EPHA5: variants seen among roughly 807,000 people sequenced by gnomAD.
The protein encoded by EPHA5 is EPH receptor A5, also known as ephrin type-A receptor 5.
In EPHA5, 60 loss-of-function variants were observed where a neutral mutation model predicts 105.0. That is an observed-to-expected ratio of 0.57 (90% CI 0.46 to 0.71). The LOEUF (loss-of-function observed/expected upper bound fraction) is 0.71. EPHA5 is among the 30% of genes least tolerant of loss of function. EPHA5 has a pLI of 0.00. For synonymous variants in EPHA5, 513 were observed against 449.1 expected (o/e 1.14, Z -1.80); for missense variants, 1,218 against 1,274.7 (o/e 0.96, Z 0.68).
At chr4:65,335,092 T>G (rs1721043080) in intron 15 of EPHA5, among the ~76,000 whole-genome samples, 1 of 152,012 alleles carries the variant, frequency 6.6e-6, no homozygotes, top group South Asian at 2.1e-4. Flanking sequence ...TTTCATAACT[T>G]TATTAACAAA....
intron 3 of EPHA5, among the ~76,000 whole-genome samples, chr4:65,517,341 C>T (rs1251087681): frequency 1.3e-5 from 2 of 151,668 alleles, no homozygotes; most frequent in East Asian, 3.9e-4. Context: ...TTTATGTTTT[C>T]AACCCATCTG....
At chr4:65,563,516 G>T (rs1739232764) in intron 3 of EPHA5, among the ~76,000 whole-genome samples, 1 of 152,028 alleles carries the variant, frequency 6.6e-6, no homozygotes, top group South Asian at 2.1e-4. Context: ...ATTTTAGGAA[G>T]TAGAGTGGAG....
intron 8 of EPHA5, among the ~76,000 whole-genome samples, chr4:65,392,517 A>G (rs1023771431): frequency 3.3e-5 from 5 of 152,136 alleles, no homozygotes; most frequent in Admixed American, 1.3e-4. Flanking sequence ...GATGCCAAAT[A>G]TATCAATTTA....
chr4:65,657,764 C>T (rs1013905194), intron 1 of EPHA5, among the ~76,000 whole-genome samples: 7 of 151,980 alleles, frequency 4.6e-5, no homozygotes, highest in Admixed American at 3.9e-4. Flanking sequence ...TAATAATATT[C>T]GTTCACTAAA....
chr4:65,615,169 TATATC>T (rs1193674582), intron 2 of EPHA5, among the ~76,000 whole-genome samples: 1 of 151,550 alleles, frequency 6.6e-6, no homozygotes, highest in Non-Finnish European at 1.5e-5. Context: ...AAAAATAAAA[TATATC>T]ATATTAACAT....
At chr4:65,616,428 T>TACACACACAC (rs34942929) in intron 2 of EPHA5, among the ~76,000 whole-genome samples, 1 of 143,554 alleles carries the variant, frequency 7.0e-6, no homozygotes, top group African/African-American at 2.6e-5. Flanking sequence ...ACTTAATGCA[T>TACACACACAC]ACACACACAC....
chr4:65,509,365 A>G (rs1177692069), intron 3 of EPHA5, among the ~76,000 whole-genome samples: 1 of 152,164 alleles, frequency 6.6e-6, no homozygotes, highest in African/African-American at 2.4e-5. Flanking sequence ...TACTACAGAA[A>G]TATTCAATCC....
chr4:65,405,809 A>G (rs1722300403), intron 7 of EPHA5, among the ~76,000 whole-genome samples: 1 of 151,958 alleles, frequency 6.6e-6, no homozygotes, highest in African/African-American at 2.4e-5. Flanking sequence ...GGAAAAAACT[A>G]CCCCCAGAGT....
chr4:65,625,734 A>G (rs1476408643), intron 2 of EPHA5, among the ~76,000 whole-genome samples: 1 of 152,232 alleles, frequency 6.6e-6, no homozygotes, highest in Non-Finnish European at 1.5e-5. Context: ...AATAAATAAA[A>G]TAAATTTTGG....
At chr4:65,347,444 G>T (rs1722330152) in intron 14 of EPHA5, among the ~76,000 whole-genome samples, 3 of 152,118 alleles carry the variant, frequency 2.0e-5, no homozygotes, top group Admixed American at 6.6e-5. Context: ...CATGTGTCAG[G>T]CATCACATAA....
chr4:65,323,982 G>A lies in EPHA5; in HGVS notation c.*132C>T. 1.7e-6 allele frequency: 1 copy of A among 594,066 alleles called. No individual in the cohort carries two copies. Among genetic ancestry groups the A allele is most frequent in the Non-Finnish European group, 2.9e-6 (1 of 339,956 alleles). 36.8% of individuals were successfully genotyped at this position (594,066 alleles called of 1,614,324 possible). A position where few individuals can be genotyped will look rare whatever the true frequency, so the allele number is the denominator to read the frequency against. On this transcript the variant is annotated 3_prime_UTR_variant, in exon 17 of 17. Coordinates refer to ENST00000613740, the MANE Select transcript of EPHA5 (RefSeq NM_001281766.3). ...GTAAAACCATGATTACAAATTCTGT[G>A]GCTGAGGCAAATGTTTTCTAAGGTT...
intron 16 of EPHA5, among the ~76,000 whole-genome samples, chr4:65,325,375 A>T (rs140900095): frequency 1.3e-5 from 2 of 151,336 alleles, no homozygotes; most frequent in East Asian, 3.9e-4. Flanking sequence ...TATTGGAAAT[A>T]TTTTTTTCCA....
At chr4:65,334,869 T>G (rs1721022997) in intron 15 of EPHA5, among the ~76,000 whole-genome samples, 1 of 151,974 alleles carries the variant, frequency 6.6e-6, no homozygotes, top group South Asian at 2.1e-4. Context: ...AATAAGTAGA[T>G]AAGAGAAAGT....
At chr4:65,355,234 A>C (rs1723188788) in intron 11 of EPHA5, among the ~76,000 whole-genome samples, 1 of 151,658 alleles carries the variant, frequency 6.6e-6, no homozygotes, top group Non-Finnish European at 1.5e-5. Context: ...TAAATCATAA[A>C]GTTACAAGAG....
chr4:65,350,544 C>T (rs1560440268), intron 13 of EPHA5, among the ~76,000 whole-genome samples: 1 of 151,986 alleles, frequency 6.6e-6, no homozygotes, highest in Non-Finnish European at 1.5e-5. Flanking sequence ...GGGTTTTAGA[C>T]ATTGAGGATA....
rs115826914 is a variant in EPHA5 at position 65,416,954 on chromosome 4, G to A, written c.1528-2511C>T. Among the ~76,000 whole-genome samples, 822 of 152,276 alleles carry A rather than the reference G, an allele frequency of 5.4e-3. 8 individuals are homozygous for A. Among genetic ancestry groups the A allele is most frequent in the Non-Finnish European group, 7.5e-3 (507 of 68,018 alleles). Reference sequence around the variant, plus strand: ...GATTGTCAACACCCACAATTGCCCTGCTGCCAAGTCCTTGGTCAGGGCAGT... The same window carrying A: ...GATTGTCAACACCCACAATTGCCCTACTGCCAAGTCCTTGGTCAGGGCAGT... On this transcript the variant is annotated intron_variant, in intron 6 of 16. Transcript: ENST00000613740.
chr4:65,366,608 C>T (rs904038120), intron 9 of EPHA5, among the ~76,000 whole-genome samples: 3 of 151,764 alleles, frequency 2.0e-5, no homozygotes, highest in Admixed American at 6.6e-5. Flanking sequence ...TCACATTTAA[C>T]GGCTACTAAC....
intron 3 of EPHA5, among the ~76,000 whole-genome samples, chr4:65,508,915 G>A (rs7654891): frequency 0.93 from 141,623 of 152,170 alleles, 66,208 homozygotes; most frequent in Middle Eastern, 0.99. Context: ...TATAGAGAAC[G>A]CATTGGGCAT....
intron 2 of EPHA5, among the ~76,000 whole-genome samples, chr4:65,634,384 A>G (rs111678609): frequency 5.1e-4 from 77 of 152,204 alleles, no homozygotes; most frequent in Non-Finnish European, 8.8e-4. Flanking sequence ...AAGTGTTTGT[A>G]TATATCAAAG....
Sources: allele counts gnomAD v4.1 joint callset (sites outside exome capture counted in the v4.1 genomes callset), GRCh38; gene constraint gnomAD v4.1.1; transcripts MANE v1.5; gene names NCBI Gene and HGNC (gene_info 2026-07-23, HGNC 2026-07-21).